The following SRPK2 variants were observed in gnomAD, a reference collection of about 807,000 sequenced individuals.
SRPK2 encodes the protein SFRS protein kinase 2.
SRPK2 carries 21 observed loss-of-function variants against 90.8 expected under a neutral mutation model. That is an observed-to-expected ratio of 0.23 (90% confidence interval 0.16 to 0.33). SRPK2 has a LOEUF of 0.33. Among genes scored for constraint, SRPK2 ranks in the 10% least tolerant of loss-of-function variants. The probability of loss-of-function intolerance (pLI) is 1.00; values close to 1 mark genes in which losing one functional copy is unlikely to be tolerated. For synonymous variants in SRPK2, 288 were observed against 311.1 expected (o/e 0.93, Z 0.78); for missense variants, 620 against 869.0 (o/e 0.71, Z 3.60).
chr7:105,359,463 C>T (rs1198720463), intron 2 of SRPK2, among the ~76,000 whole-genome samples: 1 of 152,006 alleles, frequency 6.6e-6, no homozygotes, highest in East Asian at 1.9e-4. Context: ...AGGCCCACAG[C>T]ACTATTTATT....
chr7:105,235,935 AG>A (rs1461159697), intron 2 of SRPK2, among the ~76,000 whole-genome samples: 1 of 152,248 alleles, frequency 6.6e-6, no homozygotes, highest in African/African-American at 2.4e-5. Flanking sequence ...TTTATATTCT[AG>A]CAGTACTTCT....
At chr7:105,121,215 C>T (rs1800310957) in intron 15 of SRPK2, among the ~76,000 whole-genome samples, 1 of 151,850 alleles carries the variant, frequency 6.6e-6, no homozygotes, top group Non-Finnish European at 1.5e-5. Flanking sequence ...CGTGGTGGTG[C>T]ACACCTGTAA....
At chr7:105,272,509 C>T (rs1805954758) in intron 2 of SRPK2, among the ~76,000 whole-genome samples, 1 of 151,864 alleles carries the variant, frequency 6.6e-6, no homozygotes, top group East Asian at 1.9e-4. Context: ...GTTTTTGTGG[C>T]TTTTTTTTAA....
At chr7:105,130,630 A>G (rs1355639017) in intron 13 of SRPK2, among the ~76,000 whole-genome samples, 2 of 151,810 alleles carry the variant, frequency 1.3e-5, no homozygotes, top group African/African-American at 2.4e-5. Flanking sequence ...ACAGCTTGGT[A>G]TTATGAGGTC....
intron 2 of SRPK2, among the ~76,000 whole-genome samples, chr7:105,300,254 CAAAAAAAAAA>C (rs35542004): frequency 2.1e-4 from 16 of 76,302 alleles, no homozygotes; most frequent in Non-Finnish European, 4.1e-4. Context: ...GACTCCATCT[CAAAAAAAAAA>C]AAAAAAAAAA....
chr7:105,130,057 G>A (rs557241281), intron 13 of SRPK2, among the ~76,000 whole-genome samples: 5 of 152,044 alleles, frequency 3.3e-5, no homozygotes, highest in Non-Finnish European at 7.4e-5. Flanking sequence ...TACACTGGAA[G>A]GTGTAAAGCT....
intron 7 of SRPK2, among the ~76,000 whole-genome samples, chr7:105,158,533 G>T (rs1027583815): frequency 6.6e-6 from 1 of 152,264 alleles, no homozygotes; most frequent in Admixed American, 6.5e-5. Flanking sequence ...GATTACAAGC[G>T]TGAGCCACTG....
intron 2 of SRPK2, among the ~76,000 whole-genome samples, chr7:105,334,834 C>CA (rs1326446354): frequency 0.076 from 5,554 of 72,734 alleles, 343 homozygotes; most frequent in African/African-American, 0.2. Context: ...GGATACAGAC[C>CA]AAAAAAAAAA....
chr7:105,250,850 A>AT (rs3216267), intron 2 of SRPK2, among the ~76,000 whole-genome samples: 51 of 152,076 alleles, frequency 3.4e-4, no homozygotes, highest in African/African-American at 7.0e-4. Context: ...AATCAGCTCC[A>AT]TTTTTTTCAC....
chr7:105,367,232 C>A (rs1442337506), intron 2 of SRPK2, among the ~76,000 whole-genome samples: 3 of 151,918 alleles, frequency 2.0e-5, no homozygotes, highest in Non-Finnish European at 1.5e-5. Context: ...AGACAAGCTA[C>A]CCACATGGAG....
At chr7:105,283,723 C>T (rs575519391) in intron 2 of SRPK2, among the ~76,000 whole-genome samples, 1 of 152,168 alleles carries the variant, frequency 6.6e-6, no homozygotes, top group African/African-American at 2.4e-5. Context: ...ATGCTAAAAG[C>T]TATTAAATTG....
intron 11 of SRPK2, 45 bp downstream of exon 11, chr7:105,141,963 C>A (rs1405712532): frequency 1.3e-6 from 2 of 1,570,710 alleles, no homozygotes; most frequent in South Asian, 1.2e-5. Context: ...AAGGCACGTC[C>A]CTGGAGTCAG....
At chr7:105,148,953 T>C (rs898916499) in intron 7 of SRPK2, among the ~76,000 whole-genome samples, 8 of 152,198 alleles carry the variant, frequency 5.3e-5, no homozygotes, top group Non-Finnish European at 8.8e-5. Flanking sequence ...AGGGGCACAA[T>C]GCACTGTGGA....
chr7:105,298,316 AT>A (rs1326569574), intron 2 of SRPK2, among the ~76,000 whole-genome samples: 2 of 152,174 alleles, frequency 1.3e-5, no homozygotes, highest in African/African-American at 2.4e-5. Context: ...GTAGTAGTAT[AT>A]TTTTTAACTG....
chr7:105,335,132 A>G (rs1814942366), intron 2 of SRPK2, among the ~76,000 whole-genome samples: 2 of 152,110 alleles, frequency 1.3e-5, no homozygotes, highest in African/African-American at 2.4e-5. Context: ...GATCGCACCA[A>G]TGCACTCCAG....
At chr7:105,301,862 C>T (rs1444711213) in intron 2 of SRPK2, 1 of 1,577,408 alleles carries the variant, frequency 6.3e-7, no homozygotes, top group African/African-American at 1.4e-5. Flanking sequence ...CATGGAGAAT[C>T]ACAATCCCAT....
At position 105,133,010 on chromosome 7, in the gene SRPK2, A is replaced by G. The variant is rs1316944061; in HGVS notation, c.1638T>C (p.Cys546=). ...RVKIADLGNA[C]WVHKHFTEDI... Reference sequence around the variant, plus strand: ...GAAAGAAAACTCTACTTACCACCCAACAAGCATTTCCCAGGTCAGCAATTT... The same window carrying G: ...GAAAGAAAACTCTACTTACCACCCAGCAAGCATTTCCCAGGTCAGCAATTT... The change falls in exon 12 of 16, where the codon TGT becomes TGC. Residue 546 remains cysteine, a synonymous_variant. Coordinates refer to ENST00000393651, the MANE Select transcript of SRPK2 (RefSeq NM_182692.3). 4.3e-6 allele frequency: 7 copies of G among 1,614,178 alleles called. No homozygotes were observed. Among genetic ancestry groups the G allele is most frequent in the African/African-American group, 1.3e-5 (1 of 75,060 alleles).
At chr7:105,276,333 C>T (rs1806491236) in intron 2 of SRPK2, among the ~76,000 whole-genome samples, 1 of 151,878 alleles carries the variant, frequency 6.6e-6, no homozygotes, top group South Asian at 2.1e-4. Flanking sequence ...CCCACCTTGG[C>T]CCCCTCAAAG....
chr7:105,291,250 T>C (rs985461034), intron 2 of SRPK2, among the ~76,000 whole-genome samples: 2 of 152,160 alleles, frequency 1.3e-5, no homozygotes, highest in African/African-American at 4.8e-5. Context: ...TACAAAGATA[T>C]GTCACTTTTA....
Sources: allele counts gnomAD v4.1 joint callset (sites outside exome capture counted in the v4.1 genomes callset), GRCh38; gene constraint gnomAD v4.1.1; transcripts MANE v1.5; gene names NCBI Gene and HGNC (gene_info 2026-07-23, HGNC 2026-07-21).